The following DSCAM variants were observed in gnomAD, a reference collection of about 807,000 sequenced individuals.
DSCAM encodes the protein DS cell adhesion molecule.
In DSCAM, 47 loss-of-function variants were observed where a neutral mutation model predicts 217.7. The observed-to-expected ratio is 0.22, with a 90% CI of 0.17 to 0.28. The LOEUF is 0.28. DSCAM is among the 10% of genes least tolerant of loss of function. The probability of loss-of-function intolerance (pLI) is 1.00; values close to 1 mark genes in which losing one functional copy is unlikely to be tolerated. For synonymous variants in DSCAM, 1,056 were observed against 1,015.3 expected, an observed-to-expected ratio of 1.04 and a Z score of -0.76; for missense variants, 2,080 against 2,618.3, an observed-to-expected ratio of 0.79 and a Z score of 4.49.
At chr21:40,517,071 A>C (rs1453808186) in intron 3 of DSCAM, among the ~76,000 whole-genome samples, 1 of 147,994 alleles carries the variant, frequency 6.8e-6, no homozygotes, top group African/African-American at 2.5e-5. Context: ...ATATATATAC[A>C]TATGTTACAT....
At chr21:40,014,571 G>C (rs568389917) in intron 32 of DSCAM, among the ~76,000 whole-genome samples, 1 of 152,144 alleles carries the variant, frequency 6.6e-6, no homozygotes, top group African/African-American at 2.4e-5. Context: ...GGCATCCTTT[G>C]CTCAGGGATA....
At chr21:40,829,936 ATT>A (rs1223534473) in intron 1 of DSCAM, among the ~76,000 whole-genome samples, 1 of 151,986 alleles carries the variant, frequency 6.6e-6, no homozygotes, top group Non-Finnish European at 1.5e-5. Flanking sequence ...ATATTGCCAC[ATT>A]TTTTCCCACA....
chr21:40,122,988 A>T (rs1398512219), intron 20 of DSCAM, among the ~76,000 whole-genome samples: 2 of 152,254 alleles, frequency 1.3e-5, no homozygotes, highest in African/African-American at 4.8e-5. Flanking sequence ...ATTCCATCGC[A>T]TGCTACAACA....
At chr21:40,021,740 T>C (rs139475103) in intron 32 of DSCAM, among the ~76,000 whole-genome samples, 607 of 152,354 alleles carry the variant, frequency 4.0e-3, no homozygotes, top group Non-Finnish European at 7.1e-3. Context: ...GATTTCTCTC[T>C]CTTTCTCTAA....
chr21:40,270,826 CG>C (rs372723946), intron 11 of DSCAM, among the ~76,000 whole-genome samples: 60 of 151,986 alleles, frequency 3.9e-4, no homozygotes, highest in African/African-American at 1.4e-3. Flanking sequence ...GCAATGCTAC[CG>C]GGACTGGAGA....
At chr21:40,596,477 G>C (rs1326958343) in intron 3 of DSCAM, among the ~76,000 whole-genome samples, 1 of 152,120 alleles carries the variant, frequency 6.6e-6, no homozygotes, top group Non-Finnish European at 1.5e-5. Flanking sequence ...TATTCAGTTA[G>C]CTAAAAGAAA....
intron 16 of DSCAM, among the ~76,000 whole-genome samples, chr21:40,163,679 A>T (rs2090564773): frequency 6.6e-6 from 1 of 152,098 alleles, no homozygotes; most frequent in Non-Finnish European, 1.5e-5. Flanking sequence ...ACTTATCACA[A>T]ATTGGACCAC....
chr21:40,017,611 G>A lies in DSCAM; in HGVS notation c.5687-4225C>T, dbSNP rs557373399. Among the ~76,000 whole-genome samples the A allele has an allele frequency of 3.9e-4, 59 of 151,690 alleles. 1 individual carries two copies. The highest frequency in any genetic ancestry group is 1.4e-3 in the African/African-American group (56 of 41,290). ...AGTTTTGCTCTTGTCGCCCAGGCTGGAGTGCAACTCGGTTCGCCACAACCT... is the reference window on the plus strand; with the variant it reads ...AGTTTTGCTCTTGTCGCCCAGGCTGAAGTGCAACTCGGTTCGCCACAACCT... On this transcript the variant is annotated intron_variant, in intron 32 of 32. Coordinates refer to ENST00000400454, the MANE Select transcript of DSCAM (RefSeq NM_001389.5).
intron 32 of DSCAM, among the ~76,000 whole-genome samples, chr21:40,036,077 T>C (rs927474750): frequency 8.0e-6 from 1 of 125,018 alleles, no homozygotes; most frequent in African/African-American, 3.2e-5. Flanking sequence ...AGATCCAAAA[T>C]TGACACCCTA....
chr21:40,223,246 C>A (rs413465), intron 11 of DSCAM, among the ~76,000 whole-genome samples: 66,498 of 152,052 alleles, frequency 0.44, 14,721 homozygotes, highest in African/African-American at 0.48. Flanking sequence ...GGCCCTGAAC[C>A]CCAGGTAACA....
chr21:40,197,387 G>A (rs1410185268), intron 11 of DSCAM, among the ~76,000 whole-genome samples: 1 of 152,046 alleles, frequency 6.6e-6, no homozygotes, highest in Non-Finnish European at 1.5e-5. Flanking sequence ...CAAAGTGCTG[G>A]GATTACAGGC....
intron 8 of DSCAM, among the ~76,000 whole-genome samples, chr21:40,329,204 T>C (rs2074349190): frequency 6.6e-6 from 1 of 152,232 alleles, no homozygotes; most frequent in African/African-American, 2.4e-5. Context: ...TGAAGAGATA[T>C]CTACACTTCC....
At chr21:40,559,859 C>CT (rs2076705262) in intron 3 of DSCAM, among the ~76,000 whole-genome samples, 1 of 144,210 alleles carries the variant, frequency 6.9e-6, no homozygotes, top group Non-Finnish European at 1.5e-5. Context: ...GTGGCGCGAT[C>CT]TCGGCTCACT....
At chr21:40,168,196 A>G (rs2090618289) in intron 15 of DSCAM, among the ~76,000 whole-genome samples, 1 of 152,224 alleles carries the variant, frequency 6.6e-6, no homozygotes, top group Admixed American at 6.5e-5. Context: ...GTGTGCAATA[A>G]GTCAGTGGGC....
At chr21:40,114,170 A>G (rs2146644108) in intron 20 of DSCAM, among the ~76,000 whole-genome samples, 1 of 147,362 alleles carries the variant, frequency 6.8e-6, no homozygotes, top group African/African-American at 2.5e-5. Flanking sequence ...CTATACTACA[A>G]GGCTACAGTA....
intron 20 of DSCAM, among the ~76,000 whole-genome samples, chr21:40,121,524 C>A (rs2090033050): frequency 6.6e-6 from 1 of 152,008 alleles, no homozygotes; most frequent in Admixed American, 6.6e-5. Flanking sequence ...GTAACACTTT[C>A]TAGGTATTAT....
At chr21:40,130,587 G>A (rs895414458) in intron 19 of DSCAM, among the ~76,000 whole-genome samples, 14 of 152,148 alleles carry the variant, frequency 9.2e-5, no homozygotes, top group African/African-American at 3.4e-4. Flanking sequence ...CTGAGGCTCC[G>A]ACCACAGACA....
chr21:40,714,134 T>C (rs1313895658), intron 1 of DSCAM, among the ~76,000 whole-genome samples: 1 of 152,196 alleles, frequency 6.6e-6, no homozygotes, highest in African/African-American at 2.4e-5. Context: ...CCTGCGGCCC[T>C]GGGCAGAGAC....
At chr21:40,567,628 T>A (rs1201618489) in intron 3 of DSCAM, among the ~76,000 whole-genome samples, 1 of 152,184 alleles carries the variant, frequency 6.6e-6, no homozygotes, top group Non-Finnish European at 1.5e-5. Flanking sequence ...TTCCCCCTAC[T>A]TATCACTCTG....
Sources: allele counts gnomAD v4.1 joint callset (sites outside exome capture counted in the v4.1 genomes callset), GRCh38; gene constraint gnomAD v4.1.1; transcripts MANE v1.5; gene names NCBI Gene and HGNC (gene_info 2026-07-23, HGNC 2026-07-21).